MAPK8: variants seen among roughly 807,000 people sequenced by gnomAD.
MAPK8 encodes JUN N-terminal kinase.
Under a neutral mutation model 52.9 loss-of-function variants are expected in MAPK8, and 13 were observed. The ratio of observed to expected loss-of-function variants is 0.25; its 90% CI spans 0.16 to 0.39. The LOEUF (loss-of-function observed/expected upper bound fraction) is 0.39. Among genes scored for constraint, MAPK8 ranks in the 10% least tolerant of loss-of-function variants. MAPK8 has a pLI of 1.00. For synonymous variants in MAPK8, 191 were observed against 169.8 expected (o/e 1.12, Z -0.97); for missense variants, 300 against 519.2 (o/e 0.58, Z 4.10).
chr10:48,383,917 A>G (rs1039595495), intron 1 of MAPK8, among the ~76,000 whole-genome samples: 6 of 152,246 alleles, frequency 3.9e-5, no homozygotes, highest in Non-Finnish European at 8.8e-5. Context: ...TCAAAAGTCC[A>G]GAGCTGAAAT....
At chr10:48,417,842 T>C (rs569330537) in intron 5 of MAPK8, among the ~76,000 whole-genome samples, 6 of 152,308 alleles carry the variant, frequency 3.9e-5, no homozygotes, top group Non-Finnish European at 2.9e-5. Flanking sequence ...TCTGTTCCCT[T>C]TTATTTCTGC....
intron 1 of MAPK8, among the ~76,000 whole-genome samples, chr10:48,363,708 A>G (rs1291577993): frequency 6.6e-6 from 1 of 152,188 alleles, no homozygotes; most frequent in Non-Finnish European, 1.5e-5. Context: ...CATCCACTAG[A>G]TGGCTCAAGT....
chr10:48,400,846 G>GA (rs1450670133), intron 1 of MAPK8, among the ~76,000 whole-genome samples: 1 of 152,072 alleles, frequency 6.6e-6, no homozygotes, highest in Admixed American at 6.5e-5. Context: ...CACATGGGTA[G>GA]AAAAAAAGTG....
chr10:48,398,937 C>T (rs558735789), intron 1 of MAPK8, among the ~76,000 whole-genome samples: 20 of 152,220 alleles, frequency 1.3e-4, no homozygotes, highest in African/African-American at 3.9e-4. Context: ...ATGATGGTTA[C>T]GTAATTGTAT....
At chr10:48,334,373 C>T (rs1007864550) in intron 1 of MAPK8, among the ~76,000 whole-genome samples, 11 of 152,160 alleles carry the variant, frequency 7.2e-5, no homozygotes, top group Non-Finnish European at 1.5e-4. Context: ...CCGTTTCCCT[C>T]GCAGAACGGA....
intron 1 of MAPK8, among the ~76,000 whole-genome samples, chr10:48,378,674 G>C (rs925923020): frequency 1.3e-5 from 2 of 151,934 alleles, no homozygotes; most frequent in African/African-American, 4.8e-5. Flanking sequence ...GTGTGTTATA[G>C]TTTTCTTATG....
In MAPK8 at chr10:48,410,309, T is replaced by G. The variant is rs56361423; in HGVS notation, c.450+141T>G. The stretch of plus-strand genomic sequence containing the variant: ...ACCACCCATATTAAATTCTAAAATA[T>G]TTTCATTACCCCCAAAAAAGTCTCC... On this transcript the variant is annotated intron_variant, in intron 5 of 11. Transcript: ENST00000374189. 63,015 of 602,918 alleles carry G rather than the reference T, an allele frequency of 0.1. 3,372 individuals are homozygous for G. The highest frequency in any genetic ancestry group is 0.11 in the Non-Finnish European group (44,892 of 397,878). The allele number at this position is 602,918 out of a possible 1,614,324, so 37.3% of individuals were successfully genotyped here.
At chr10:48,386,470 T>C (rs529113736) in intron 1 of MAPK8, among the ~76,000 whole-genome samples, 3 of 152,332 alleles carry the variant, frequency 2.0e-5, no homozygotes, top group African/African-American at 7.2e-5. Context: ...AATGTCCTTG[T>C]GAAAATTGAC....
At chr10:48,413,859 A>ATATATATATATATT (rs1491461913) in intron 5 of MAPK8, among the ~76,000 whole-genome samples, 1 of 124,766 alleles carries the variant, frequency 8.0e-6, no homozygotes, top group African/African-American at 2.9e-5. Context: ...ATATATATAT[A>ATATATATATATATT]TTCAGAAATA....
At chr10:48,423,774 G>A (rs900180184) in intron 6 of MAPK8, among the ~76,000 whole-genome samples, 11 of 151,804 alleles carry the variant, frequency 7.2e-5, no homozygotes, top group African/African-American at 2.7e-4. Flanking sequence ...GTTTGTGTTT[G>A]GTTCTATTTC....
chr10:48,310,729 T>TTGTGTGTG (rs111302388), intron 1 of MAPK8, among the ~76,000 whole-genome samples: 1 of 149,132 alleles, frequency 6.7e-6, no homozygotes, highest in East Asian at 2.0e-4. Flanking sequence ...GTTTTTAAAA[T>TTGTGTGTG]TGTGTGTGTG....
At chr10:48,319,341 C>A (rs1306680408) in intron 1 of MAPK8, among the ~76,000 whole-genome samples, 1 of 152,046 alleles carries the variant, frequency 6.6e-6, no homozygotes, top group Non-Finnish European at 1.5e-5. Flanking sequence ...TCATCACAGC[C>A]TAACTTTAGA....
At position 48,346,831 on chromosome 10, in the gene MAPK8, C is replaced by T. The variant is rs115849075; in HGVS notation, c.-50+40010C>T. Among the ~76,000 whole-genome samples, 756 of 152,206 alleles carry T rather than the reference C, an allele frequency of 5.0e-3. 6 individuals are homozygous for T. Among genetic ancestry groups the T allele is most frequent in the African/African-American group, 0.017 (695 of 41,530 alleles). On this transcript the variant is annotated intron_variant, in intron 1 of 11. Transcript: ENST00000374189. ...AAGCTGTCTTTCTCTGTCTCCTCTCCCTCTCTGTCTCCTCTCCCTCTCTGC... is the reference window on the plus strand; with the variant it reads ...AAGCTGTCTTTCTCTGTCTCCTCTCTCTCTCTGTCTCCTCTCCCTCTCTGC...
chr10:48,319,723 C>G (rs1842815464), intron 1 of MAPK8, among the ~76,000 whole-genome samples: 1 of 152,026 alleles, frequency 6.6e-6, no homozygotes, highest in Non-Finnish European at 1.5e-5. Flanking sequence ...AACTCCTTAC[C>G]CCAAGTGATC....
intron 1 of MAPK8, among the ~76,000 whole-genome samples, chr10:48,399,006 C>T (rs1337495287): frequency 6.6e-6 from 1 of 152,048 alleles, no homozygotes; most frequent in South Asian, 2.1e-4. Context: ...CCTTTGCATT[C>T]GATTTGTTTT....
chr10:48,424,461 T>G, intron 7 of MAPK8: 1 of 1,175,686 alleles, frequency 8.5e-7, no homozygotes, highest in Non-Finnish European at 1.2e-6. Context: ...CTTTCTTTTT[T>G]TTTTTATTTT....
intron 6 of MAPK8, among the ~76,000 whole-genome samples, chr10:48,421,408 G>A (rs530978656): frequency 6.6e-6 from 1 of 152,250 alleles, no homozygotes; most frequent in South Asian, 2.1e-4. Flanking sequence ...TTTTGCATTT[G>A]CTGTAATTGA....
At chr10:48,427,309 A>G (rs2043746368) in intron 10 of MAPK8, 166 bp downstream of exon 10, 1 of 489,820 alleles carries the variant, frequency 2.0e-6, no homozygotes, top group Non-Finnish European at 3.7e-6. Context: ...TCCTTCCTTA[A>G]CTTAATCTTA....
At chr10:48,416,522 A>G (rs2043072948) in intron 5 of MAPK8, among the ~76,000 whole-genome samples, 1 of 152,154 alleles carries the variant, frequency 6.6e-6, no homozygotes, top group Non-Finnish European at 1.5e-5. Flanking sequence ...GTTCTATTCC[A>G]TCAAGACATT....
Sources: allele counts gnomAD v4.1 joint callset (sites outside exome capture counted in the v4.1 genomes callset), GRCh38; gene constraint gnomAD v4.1.1; transcripts MANE v1.5; gene names NCBI Gene and HGNC (gene_info 2026-07-23, HGNC 2026-07-21).